Variants in PARVB observed in about 807,000 individuals in gnomAD.
The protein encoded by PARVB is parvin beta, also known as beta-parvin.
A neutral mutation model predicts 47.0 loss-of-function variants in PARVB; 46 were observed. That is an observed-to-expected ratio of 0.98 (90% CI 0.77 to 1.25). PARVB has a LOEUF of 1.25. Among genes scored for constraint, PARVB ranks in the 50% most tolerant of loss-of-function variants. The probability of loss-of-function intolerance (pLI) is 0.00; values close to 1 mark genes in which losing one functional copy is unlikely to be tolerated. For synonymous variants in PARVB, 196 were observed against 196.3 expected (o/e 1.00, Z 0.01); for missense variants, 473 against 471.6 (o/e 1.00, Z -0.03).
intron 1 of PARVB, among the ~76,000 whole-genome samples, chr22:44,051,636 T>C (rs796438078): frequency 2.6e-5 from 4 of 152,090 alleles, no homozygotes; most frequent in African/African-American, 9.6e-5. Flanking sequence ...TTTGTGTCAA[T>C]GAGGGGAGAG....
chr22:44,005,779 G>A (rs544775062), intron 2 of PARVB, among the ~76,000 whole-genome samples: 4 of 152,224 alleles, frequency 2.6e-5, no homozygotes, highest in East Asian at 1.9e-4. Flanking sequence ...CATTTACATC[G>A]GTTGTAATCA....
At chr22:44,009,514 A>C (rs1411233507) in intron 2 of PARVB, 1 of 152,136 alleles carries the variant, frequency 6.6e-6, no homozygotes, top group Non-Finnish European at 1.5e-5. Flanking sequence ...TTCCCCATTG[A>C]CAAAGTATTA....
chr22:44,168,763 C>G lies in PARVB; in HGVS notation c.*85C>G, dbSNP rs1293420326. ...CCCTGTGCCTTTCCAGGGAGCCAGGCGCCATGGGCTTCTGGTCCAAGCTGT... is the reference window on the plus strand; with the variant it reads ...CCCTGTGCCTTTCCAGGGAGCCAGGGGCCATGGGCTTCTGGTCCAAGCTGT... On this transcript the variant is annotated 3_prime_UTR_variant, in exon 13 of 13. Coordinates refer to ENST00000338758, the MANE Select transcript of PARVB (RefSeq NM_013327.5). 7 of 927,888 alleles carry G rather than the reference C, an allele frequency of 7.5e-6. No homozygotes were observed. Among genetic ancestry groups the G allele is most frequent in the Non-Finnish European group, 1.1e-5 (6 of 565,796 alleles). 57.5% of individuals were successfully genotyped at this position (927,888 alleles called of 1,614,324 possible).
chr22:44,088,732 A>G (rs2052091905), intron 1 of PARVB, among the ~76,000 whole-genome samples: 1 of 152,156 alleles, frequency 6.6e-6, no homozygotes. Flanking sequence ...TTGGCCTCCC[A>G]GAGTGCTGGA....
chr22:44,115,138 C>T (rs2052845858), intron 3 of PARVB: 1 of 70,348 alleles, frequency 1.4e-5, no homozygotes, highest in Admixed American at 1.3e-4. Flanking sequence ...CCTGCACCAA[C>T]ACAGATACAC....
chr22:44,164,416 C>CCCA lies in PARVB; in HGVS notation c.1018+488_1018+489insACC, dbSNP rs1555913764. ...CGGGCGGTTGCTTCCCTGTCCCCCCCCCGGCTCCTGTGCCAAGTTACCTAT... is the reference window on the plus strand; with the variant it reads ...CGGGCGGTTGCTTCCCTGTCCCCCCCCCACCGGCTCCTGTGCCAAGTTACCTAT... On this transcript the variant is annotated intron_variant, in intron 12 of 12. Coordinates refer to ENST00000338758, the MANE Select transcript of PARVB (RefSeq NM_013327.5). 1.3e-4 allele frequency among the ~76,000 whole-genome samples: 17 copies of CCCA among 127,750 alleles called. No individual in the cohort carries two copies. The South Asian group carries it at 1.9e-3, about 14-fold the overall frequency. 83.8% of individuals were successfully genotyped at this position (127,750 alleles called of 152,430 possible).
intron 1 of PARVB, among the ~76,000 whole-genome samples, chr22:44,039,079 T>TG (rs1219693309): frequency 6.6e-6 from 1 of 152,068 alleles, no homozygotes; most frequent in Non-Finnish European, 1.5e-5. Flanking sequence ...CGCAGACCCA[T>TG]GGGAAAGGCT....
At chr22:44,090,227 C>T (rs151301097) in intron 1 of PARVB, among the ~76,000 whole-genome samples, 4 of 152,328 alleles carry the variant, frequency 2.6e-5, no homozygotes, top group Admixed American at 6.5e-5. Flanking sequence ...AGTGGCAATG[C>T]GAGATTTGGA....
At chr22:44,041,256 C>T (rs2051014317) in intron 1 of PARVB, among the ~76,000 whole-genome samples, 1 of 152,130 alleles carries the variant, frequency 6.6e-6, no homozygotes, top group East Asian at 1.9e-4. Context: ...CTTTGGGAGG[C>T]CGAGGCGGGT....
Position 44,119,098 on chromosome 22 carries a change from G to T in PARVB, c.334G>T (p.Glu112Ter). Reference protein sequence around the residue: ...VEERIIVKQLEEDLYDGQVLQ... With the variant: ...VEERIIVKQL ...GGAGAGGATCATTGTGAAGCAGCTG[G>T]AGGAAGACCTGTATGACGGCCAGGT... is the stretch of plus-strand genomic sequence containing the variant. The change falls in exon 4 of 13, where the codon GAG becomes TAG. Residue 112 changes from glutamate to a stop codon, truncating the protein, a stop_gained. Coordinates refer to ENST00000338758, the MANE Select transcript of PARVB (RefSeq NM_013327.5). LOFTEE classifies it high-confidence loss of function. 1 of 1,614,142 alleles carries T rather than the reference G, an allele frequency of 6.2e-7. No homozygotes were observed. The highest frequency in any genetic ancestry group is 1.1e-5 in the South Asian group (1 of 91,084).
intron 1 of PARVB, among the ~76,000 whole-genome samples, chr22:44,053,497 G>A (rs942192867): frequency 6.6e-6 from 1 of 152,206 alleles, no homozygotes; most frequent in East Asian, 1.9e-4. Context: ...TACAGGTAGC[G>A]GGGATGCCTG....
intron 4 of PARVB, among the ~76,000 whole-genome samples, chr22:44,129,492 G>A (rs142092840): frequency 6.6e-5 from 10 of 152,296 alleles, no homozygotes; most frequent in East Asian, 1.9e-4. Context: ...CAACGGGGGC[G>A]CGTCAGGCTT....
At chr22:44,063,788 C>T (rs1014524589) in intron 1 of PARVB, among the ~76,000 whole-genome samples, 1 of 152,162 alleles carries the variant, frequency 6.6e-6, no homozygotes, top group Non-Finnish European at 1.5e-5. Flanking sequence ...GCTCCTGGTA[C>T]AGATGAGTTG....
chr22:44,004,125 T>C (rs1350533598), intron 2 of PARVB, among the ~76,000 whole-genome samples: 2 of 152,152 alleles, frequency 1.3e-5, no homozygotes, highest in East Asian at 3.9e-4. Flanking sequence ...TTTTCTGAGC[T>C]TGAGTGAGAA....
At chr22:44,026,227 T>C in intron 1 of PARVB, 1 of 713,708 alleles carries the variant, frequency 1.4e-6, no homozygotes, top group African/African-American at 1.9e-5. Context: ...TATGAATTGA[T>C]GTGTGTCTAG....
At chr22:44,139,673 ACTC>A in intron 7 of PARVB, 1 of 162,028 alleles carries the variant, frequency 6.2e-6, no homozygotes, top group Non-Finnish European at 1.4e-5. Flanking sequence ...CTGGTCTCGA[ACTC>A]CTGACCTCAA....
intron 1 of PARVB, among the ~76,000 whole-genome samples, chr22:44,035,797 CTT>C (rs879538236): frequency 3.5e-5 from 5 of 142,856 alleles, no homozygotes; most frequent in African/African-American, 7.6e-5. Flanking sequence ...AAACAGATCA[CTT>C]TTTTTTTTTT....
chr22:44,147,205 G>A, intron 8 of PARVB: 1 of 184,102 alleles, frequency 5.4e-6, no homozygotes, highest in East Asian at 1.3e-4. Context: ...GTGGGAGAGA[G>A]GATGGATTTT....
intron 10 of PARVB, among the ~76,000 whole-genome samples, chr22:44,154,404 G>A (rs999773377): frequency 3.3e-5 from 5 of 152,228 alleles, no homozygotes; most frequent in African/African-American, 1.2e-4. Flanking sequence ...CCTAGGAGTC[G>A]GAGAGGCCCT....
Sources: gnomAD v4.1 joint callset for allele counts (sites outside exome capture counted in the v4.1 genomes callset) on GRCh38, gnomAD v4.1.1 for gene constraint, MANE v1.5 for transcripts, NCBI Gene and HGNC (gene_info 2026-07-23, HGNC 2026-07-21) for gene names.